The following USP14 variants were observed in gnomAD, a reference collection of about 807,000 sequenced individuals.
USP14 encodes ubiquitin specific peptidase 14.
A neutral mutation model predicts 76.5 loss-of-function variants in USP14; 38 were observed. The ratio of observed to expected loss-of-function variants is 0.50; its 90% CI spans 0.38 to 0.65. USP14 has a LOEUF of 0.65. Ranked by LOEUF, USP14 falls within the 30% of genes least tolerant of loss-of-function variation. The pLI is 0.00. For missense variants in USP14, 467 were observed against 586.5 expected (o/e 0.80, Z 2.10); for synonymous variants, 192 against 191.7 (o/e 1.00, Z -0.01).
intron 5 of USP14, 141 bp from the exon 6 acceptor site, chr18:192,701 G>A (rs1910123718): frequency 3.2e-6 from 2 of 631,608 alleles, no homozygotes; most frequent in Non-Finnish European, 5.3e-6. Context: ...AAGACCAGAA[G>A]AGAAGAAAAG....
intron 3 of USP14, among the ~76,000 whole-genome samples, chr18:176,123 G>A (rs1909620320): frequency 6.6e-6 from 1 of 151,366 alleles, no homozygotes; most frequent in African/African-American, 2.4e-5. Context: ...CTATCATCAA[G>A]CCAGAGTTTT....
chr18:182,669 T>A (rs1056516078), intron 5 of USP14, among the ~76,000 whole-genome samples: 1 of 152,168 alleles, frequency 6.6e-6, no homozygotes, highest in African/African-American at 2.4e-5. Context: ...TGAGAACATC[T>A]AAGGGAGTTC....
chr18:184,425 T>C (rs1027186229), intron 5 of USP14, among the ~76,000 whole-genome samples: 1 of 152,180 alleles, frequency 6.6e-6, no homozygotes, highest in African/African-American at 2.4e-5. Context: ...TCACAAATAC[T>C]TAGCAGAACT....
chr18:166,674 G>T, intron 2 of USP14, 113 bp from the exon 3 acceptor site: 3 of 1,271,188 alleles, frequency 2.4e-6, no homozygotes, highest in Non-Finnish European at 3.2e-6. Context: ...AATAAAATCT[G>T]CATATAGGAT....
rs571791294 is a variant in USP14 at position 196,493 on chromosome 18, C to T, written c.464-144C>T. On this transcript the variant is annotated intron_variant, in intron 6 of 15. Coordinates refer to ENST00000261601, the MANE Select transcript of USP14 (RefSeq NM_005151.4). ...GAGCCGAGATCGCGCCACTGCACTC[C>T]AGCCTGGGCAACGGACCAAGACTCC... The T allele has an allele frequency of 1.0e-4, 88 of 839,646 alleles. 1 individual carries two copies. In the Admixed American group the frequency reaches 1.3e-3, roughly 13 times the overall value. The allele number at this position is 839,646 out of a possible 1,614,324, so 52.0% of individuals were successfully genotyped here. A position where few individuals can be genotyped will look rare whatever the true frequency, so the allele number is the denominator to read the frequency against.
At chr18:189,317 C>T (rs1026501501) in intron 5 of USP14, among the ~76,000 whole-genome samples, 4 of 152,046 alleles carry the variant, frequency 2.6e-5, no homozygotes, top group Admixed American at 6.5e-5. Flanking sequence ...TATTTTCTAA[C>T]TTAAAAGTTT....
intron 5 of USP14, 55 bp from the exon 6 acceptor site, chr18:192,787 T>C (rs1910125669): frequency 6.4e-7 from 1 of 1,558,536 alleles, no homozygotes; most frequent in Non-Finnish European, 8.8e-7. Flanking sequence ...TTCTTCCCAT[T>C]TGAGTGTTAG....
At chr18:182,856 T>C (rs1909822642) in intron 5 of USP14, among the ~76,000 whole-genome samples, 1 of 152,182 alleles carries the variant, frequency 6.6e-6, no homozygotes, top group African/African-American at 2.4e-5. Context: ...TGCAACTGCC[T>C]GGAGAAGGAT....
intron 9 of USP14, 105 bp downstream of exon 9, chr18:198,237 C>G: frequency 9.5e-7 from 1 of 1,052,904 alleles, no homozygotes; most frequent in Non-Finnish European, 1.3e-6. Flanking sequence ...AAAAATTCTT[C>G]AGAGGTTTTT....
chr18:194,521 G>A lies in USP14; in HGVS notation c.463+1621G>A, dbSNP rs567187173. ...GTCGCATTTGGTTTCTCATTTTTCC[G>A]TTATGCATGTAATTTTTTTCTGAAC... is the stretch of plus-strand genomic sequence containing the variant. On this transcript the variant is annotated intron_variant, in intron 6 of 15. Transcript: ENST00000261601. Among the ~76,000 whole-genome samples the A allele has an allele frequency of 3.0e-4, 46 of 152,076 alleles. No homozygotes were observed. In the South Asian group the frequency reaches 3.9e-3, roughly 13 times the overall value.
intron 5 of USP14, among the ~76,000 whole-genome samples, chr18:192,536 A>G (rs766873547): frequency 6.6e-6 from 1 of 152,168 alleles, no homozygotes; most frequent in Non-Finnish European, 1.5e-5. Context: ...TTGCACTCCA[A>G]CCTGGGCGAC....
chr18:199,838 G>A lies in USP14; in HGVS notation c.876+522G>A, dbSNP rs563452930. Among the ~76,000 whole-genome samples, 13 of 152,110 alleles carry A rather than the reference G, an allele frequency of 8.5e-5. No individual in the cohort carries two copies. In the South Asian group the frequency reaches 1.7e-3, roughly 19 times the overall value. Reference sequence around the variant, plus strand: ...GAAAATGTTGTGATCAAAGGCTGGCGGGAATCTAATCCTGTATTTCCCCTA... The same window carrying A: ...GAAAATGTTGTGATCAAAGGCTGGCAGGAATCTAATCCTGTATTTCCCCTA... On this transcript the variant is annotated intron_variant, in intron 10 of 15. Transcript: ENST00000261601.
At chr18:165,209 A>T (rs1371770051) in intron 2 of USP14, among the ~76,000 whole-genome samples, 1 of 152,132 alleles carries the variant, frequency 6.6e-6, no homozygotes, top group Non-Finnish European at 1.5e-5. Flanking sequence ...GGCCTCCCAA[A>T]GTGCTGGGAT....
chr18:166,323 T>C (rs1909269526), intron 2 of USP14, among the ~76,000 whole-genome samples: 1 of 152,166 alleles, frequency 6.6e-6, no homozygotes, highest in South Asian at 2.1e-4. Flanking sequence ...GTACCACTTG[T>C]GTTTAAAAAA....
rs530311325 is a variant in USP14, at chr18:183,511, A to T, written c.404+3172A>T. On this transcript the variant is annotated intron_variant, in intron 5 of 15. Coordinates refer to ENST00000261601, the MANE Select transcript of USP14 (RefSeq NM_005151.4). ...TTCTTATACATATTAAAATTTCTAGATCTGTTTTTTAGTCTTCTAACTTTC... is the reference window on the plus strand; with the variant it reads ...TTCTTATACATATTAAAATTTCTAGTTCTGTTTTTTAGTCTTCTAACTTTC... Among the ~76,000 whole-genome samples, 158 of 151,566 alleles carry T rather than the reference A, an allele frequency of 1.0e-3. 1 individual carries two copies. The highest frequency in any genetic ancestry group is 1.1e-3 in the Non-Finnish European group (76 of 67,858).
At chr18:168,139 T>C (rs906085973) in intron 3 of USP14, among the ~76,000 whole-genome samples, 2 of 152,088 alleles carry the variant, frequency 1.3e-5, no homozygotes, top group African/African-American at 4.8e-5. Context: ...TTGGTCAGGC[T>C]GGTCTCGAAC....
chr18:187,351 A>T (rs1197921060), intron 5 of USP14, among the ~76,000 whole-genome samples: 1 of 152,152 alleles, frequency 6.6e-6, no homozygotes, highest in Non-Finnish European at 1.5e-5. Context: ...GTGTGTAGTA[A>T]TGCATACTTC....
At chr18:159,617 G>A (rs1039839561) in intron 1 of USP14, among the ~76,000 whole-genome samples, 4 of 152,140 alleles carry the variant, frequency 2.6e-5, no homozygotes, top group Non-Finnish European at 5.9e-5. Flanking sequence ...AGTATTGTTT[G>A]ATCTCAAGGT....
chr18:198,806 GGT>G (rs1910312149), intron 9 of USP14, among the ~76,000 whole-genome samples: 1 of 151,778 alleles, frequency 6.6e-6, no homozygotes, highest in African/African-American at 2.4e-5. Context: ...TTTATAAAAG[GGT>G]GTGTATCAAC....
Sources: allele counts gnomAD v4.1 joint callset (sites outside exome capture counted in the v4.1 genomes callset), GRCh38; gene constraint gnomAD v4.1.1; transcripts MANE v1.5; gene names NCBI Gene and HGNC (gene_info 2026-07-23, HGNC 2026-07-21).